SDK1: variants seen among roughly 807,000 people sequenced by gnomAD.
SDK1 encodes protein sidekick-1.
Under a neutral mutation model 245.5 loss-of-function variants are expected in SDK1, and 157 were observed. The observed-to-expected ratio is 0.64, with a 90% CI of 0.56 to 0.73. The LOEUF (loss-of-function observed/expected upper bound fraction) is 0.73. Ranked by LOEUF, SDK1 falls within the 30% of genes least tolerant of loss-of-function variation. The probability of loss-of-function intolerance (pLI) is 0.00; values close to 1 mark genes in which losing one functional copy is unlikely to be tolerated. For missense variants in SDK1, 3,583 were observed against 3,002.3 expected (o/e 1.19, Z -4.52); for synonymous variants, 1,647 against 1,278.5 (o/e 1.29, Z -6.15).
At chr7:3,819,305 A>G (rs931473722) in intron 4 of SDK1, among the ~76,000 whole-genome samples, 1 of 152,026 alleles carries the variant, frequency 6.6e-6, no homozygotes, top group Admixed American at 6.5e-5. Flanking sequence ...AAGCTTAAAG[A>G]TAAAAGTTAT....
chr7:4,075,714 G>A, intron 20 of SDK1, among the ~76,000 whole-genome samples: 1 of 151,536 alleles, frequency 6.6e-6, no homozygotes, highest in East Asian at 1.9e-4. Flanking sequence ...GAGTGCAATG[G>A]CGCAATCTTG....
At chr7:4,258,252 C>CACT (rs1458882316) in intron 44 of SDK1, among the ~76,000 whole-genome samples, 8 of 152,164 alleles carry the variant, frequency 5.3e-5, no homozygotes, top group African/African-American at 1.9e-4. Context: ...AATGTGGACT[C>CACT]CAGTGAGAGC....
chr7:4,004,788 C>G (rs571722856), intron 14 of SDK1, among the ~76,000 whole-genome samples: 86 of 152,248 alleles, frequency 5.6e-4, no homozygotes, highest in Middle Eastern at 3.4e-3. Context: ...ATTAATATCA[C>G]CTGCTATTCA....
chr7:3,743,266 G>A (rs6963031), intron 4 of SDK1, among the ~76,000 whole-genome samples: 9,876 of 152,192 alleles, frequency 0.065, 1,078 homozygotes, highest in African/African-American at 0.23. Context: ...AATAGCAGAT[G>A]AATTTGGAGT....
At chr7:3,366,259 T>C (rs914930282) in intron 1 of SDK1, among the ~76,000 whole-genome samples, 2 of 152,170 alleles carry the variant, frequency 1.3e-5, no homozygotes, top group Non-Finnish European at 2.9e-5. Flanking sequence ...TAGGTAACCA[T>C]TTTTATTACT....
At chr7:4,247,949 C>T (rs1787003339) in intron 44 of SDK1, among the ~76,000 whole-genome samples, 1 of 152,102 alleles carries the variant, frequency 6.6e-6, no homozygotes, top group Non-Finnish European at 1.5e-5. Flanking sequence ...ATGGTGTGTC[C>T]TAGAGCAGGC....
At chr7:4,229,579 A>AT (rs879423717) in intron 40 of SDK1, among the ~76,000 whole-genome samples, 20 of 150,530 alleles carry the variant, frequency 1.3e-4, no homozygotes, top group African/African-American at 1.9e-4. Context: ...AGGGAGAATC[A>AT]TTTTTTTTTT....
chr7:3,666,740 A>T (rs547685925), intron 4 of SDK1, among the ~76,000 whole-genome samples: 1 of 152,222 alleles, frequency 6.6e-6, no homozygotes, highest in Non-Finnish European at 1.5e-5. Context: ...CTGTCAAAGT[A>T]CATTTGTGAA....
chr7:3,569,126 C>G (rs2128628910), intron 1 of SDK1, among the ~76,000 whole-genome samples: 1 of 151,296 alleles, frequency 6.6e-6, no homozygotes, highest in Non-Finnish European at 1.5e-5. Context: ...TTATATCTCG[C>G]TTAGTTTTAA....
At position 4,147,329 on chromosome 7, in the gene SDK1, C is replaced by T. The variant is rs576743228; in HGVS notation, c.4423+1413C>T. Among the ~76,000 whole-genome samples the T allele has an allele frequency of 2.7e-3, 414 of 152,254 alleles. 1 individual carries two copies. Among genetic ancestry groups the T allele is most frequent in the African/African-American group, 9.0e-3 (372 of 41,552 alleles). On this transcript the variant is annotated intron_variant, in intron 29 of 44. Coordinates refer to ENST00000404826, the MANE Select transcript of SDK1 (RefSeq NM_152744.4). The stretch of plus-strand genomic sequence containing the variant: ...CCCAGTAGCGGGGACTACAGGCACA[C>T]ACCACCCAGCTAATTATGTTCTGAA...
intron 1 of SDK1, among the ~76,000 whole-genome samples, chr7:3,607,976 T>G (rs1360378809): frequency 2.6e-5 from 4 of 152,230 alleles, no homozygotes; most frequent in African/African-American, 9.6e-5. Flanking sequence ...CAAAATCATT[T>G]CATCAGAATA....
In SDK1 at chr7:4,146,193, G is replaced by A. The variant is rs913103368; in HGVS notation, c.4423+277G>A. ...GCCTCACACCTGCTCTCTCCGACACGTGAGCATTGCATTCACACCTTCTGC... is the reference window on the plus strand; with the variant it reads ...GCCTCACACCTGCTCTCTCCGACACATGAGCATTGCATTCACACCTTCTGC... On this transcript the variant is annotated intron_variant, in intron 29 of 44. Transcript: ENST00000404826. Among the ~76,000 whole-genome samples, 6 of 150,774 alleles carry A rather than the reference G, an allele frequency of 4.0e-5. No individual in the cohort carries two copies. The East Asian group carries it at 5.9e-4, about 15-fold the overall frequency.
intron 1 of SDK1, among the ~76,000 whole-genome samples, chr7:3,380,537 G>A (rs1043273487): frequency 2.0e-5 from 3 of 152,228 alleles, no homozygotes; most frequent in African/African-American, 7.2e-5. Flanking sequence ...CAACTTTGGT[G>A]TTGTAACACT....
intron 32 of SDK1, among the ~76,000 whole-genome samples, chr7:4,164,581 T>G (rs892232497): frequency 1.3e-5 from 2 of 152,208 alleles, no homozygotes; most frequent in Non-Finnish European, 1.5e-5. Flanking sequence ...ATTCACATTT[T>G]CTTTGTAGAC....
chr7:3,995,771 T>C (rs1010590909), intron 14 of SDK1, among the ~76,000 whole-genome samples: 2 of 152,164 alleles, frequency 1.3e-5, no homozygotes, highest in Admixed American at 6.5e-5. Context: ...TTCTCTGCTA[T>C]GATCTGTTCA....
At chr7:4,037,553 G>T (rs1024263110) in intron 17 of SDK1, among the ~76,000 whole-genome samples, 3 of 152,172 alleles carry the variant, frequency 2.0e-5, no homozygotes, top group Non-Finnish European at 4.4e-5. Flanking sequence ...GGAGGTTGAG[G>T]TTGCTGCAGT....
chr7:3,486,993 C>T (rs1781719029), intron 1 of SDK1, among the ~76,000 whole-genome samples: 1 of 152,140 alleles, frequency 6.6e-6, no homozygotes, highest in Non-Finnish European at 1.5e-5. Flanking sequence ...TGGTCTGGAA[C>T]AGAGGTTGGC....
rs573507998 is a variant in SDK1, at chr7:3,645,645, C to G, written c.713+3540C>G. ...AATTAAAAAATCTAGATGCGAAAAC[C>G]CAATATATTGCTTTCCATGTCTAAG... is the stretch of plus-strand genomic sequence containing the variant. On this transcript the variant is annotated intron_variant, in intron 4 of 44. Transcript: ENST00000404826. Among the ~76,000 whole-genome samples the G allele has an allele frequency of 2.5e-3, 378 of 151,946 alleles. 2 individuals carry two copies. The highest frequency in any genetic ancestry group is 8.5e-3 in the African/African-American group (354 of 41,430).
chr7:3,647,536 C>T (rs1325192186), intron 4 of SDK1, among the ~76,000 whole-genome samples: 3 of 152,186 alleles, frequency 2.0e-5, no homozygotes, highest in Non-Finnish European at 2.9e-5. Context: ...AAATGATTTT[C>T]GTGCTTCAGC....
Sources: allele counts gnomAD v4.1 joint callset (sites outside exome capture counted in the v4.1 genomes callset), GRCh38; gene constraint gnomAD v4.1.1; transcripts MANE v1.5; gene names NCBI Gene and HGNC (gene_info 2026-07-23, HGNC 2026-07-21).